The following MGAT4C variants were observed in gnomAD, a reference collection of about 807,000 sequenced individuals.
The protein encoded by MGAT4C is MGAT4 family member C, also known as alpha-1,3-mannosyl-glycoprotein 4-beta-N-acetylglucosaminyltransferase C.
In MGAT4C, 19 loss-of-function variants were observed where a neutral mutation model predicts 40.1. The ratio of observed to expected loss-of-function variants is 0.47; its 90% confidence interval spans 0.33 to 0.70. The LOEUF is 0.70. Ranked by LOEUF, MGAT4C falls within the 30% of genes least tolerant of loss-of-function variation. The pLI is 0.02. For synonymous variants in MGAT4C, 181 were observed against 187.1 expected, an observed-to-expected ratio of 0.97 and a Z score of 0.27; for missense variants, 491 against 563.2, an observed-to-expected ratio of 0.87 and a Z score of 1.30.
intron 2 of MGAT4C, among the ~76,000 whole-genome samples, chr12:86,629,688 A>C (rs192511717): frequency 2.0e-5 from 3 of 152,164 alleles, no homozygotes. Flanking sequence ...AGAAATAAAG[A>C]TGTTCTTTGA....
chr12:86,274,344 T>C (rs1309683975), intron 4 of MGAT4C, among the ~76,000 whole-genome samples: 4 of 152,134 alleles, frequency 2.6e-5, no homozygotes, highest in Non-Finnish European at 5.9e-5. Flanking sequence ...TCAAAGACAC[T>C]CTAGTCTTTA....
At chr12:86,620,823 T>G (rs1962613010) in intron 2 of MGAT4C, among the ~76,000 whole-genome samples, 1 of 152,132 alleles carries the variant, frequency 6.6e-6, no homozygotes, top group Non-Finnish European at 1.5e-5. Context: ...TCTCATGAGA[T>G]CTGATTGTTT....
At chr12:86,128,689 C>T (rs1436237434) in intron 1 of MGAT4C, among the ~76,000 whole-genome samples, 1 of 152,036 alleles carries the variant, frequency 6.6e-6, no homozygotes, top group Admixed American at 6.6e-5. Flanking sequence ...CTACAGAAGA[C>T]CAAAATAACA....
chr12:86,424,502 C>T (rs1956889075), intron 3 of MGAT4C, among the ~76,000 whole-genome samples: 1 of 152,048 alleles, frequency 6.6e-6, no homozygotes, highest in African/African-American at 2.4e-5. Flanking sequence ...GGTACCATTC[C>T]ACCAATTCAC....
intron 2 of MGAT4C, among the ~76,000 whole-genome samples, chr12:85,991,228 C>G (rs116007438): frequency 3.7e-4 from 57 of 152,274 alleles, no homozygotes; most frequent in African/African-American, 1.3e-3. Context: ...GACAGGGTAG[C>G]TCCTCTCTGC....
intron 2 of MGAT4C, among the ~76,000 whole-genome samples, chr12:86,587,410 G>C (rs1002246937): frequency 6.6e-6 from 1 of 152,018 alleles, no homozygotes; most frequent in African/African-American, 2.4e-5. Flanking sequence ...TTGTTCTTTT[G>C]GCTTAGGATT....
intron 1 of MGAT4C, among the ~76,000 whole-genome samples, chr12:86,750,344 G>T (rs1951215527): frequency 6.6e-6 from 1 of 151,804 alleles, no homozygotes; most frequent in African/African-American, 2.4e-5. Flanking sequence ...GTACTGTATG[G>T]TGTCTTAAAA....
At chr12:86,117,142 G>T (rs1878569440) in intron 1 of MGAT4C, among the ~76,000 whole-genome samples, 1 of 152,084 alleles carries the variant, frequency 6.6e-6, no homozygotes, top group African/African-American at 2.4e-5. Flanking sequence ...TCTACTCAAA[G>T]GTGTACCTCA....
At chr12:86,443,740 C>T (rs1300568733) in intron 2 of MGAT4C, among the ~76,000 whole-genome samples, 1 of 152,080 alleles carries the variant, frequency 6.6e-6, no homozygotes, top group African/African-American at 2.4e-5. Context: ...ACTACAGGCG[C>T]CTGCCACCAT....
chr12:86,417,367 C>T (rs891233224), intron 3 of MGAT4C, among the ~76,000 whole-genome samples: 41 of 152,010 alleles, frequency 2.7e-4, no homozygotes, highest in African/African-American at 9.9e-4. Context: ...TAAAGTATAC[C>T]TTGTTAAAAT....
At chr12:86,444,397 A>G (rs1035319530) in intron 2 of MGAT4C, among the ~76,000 whole-genome samples, 3 of 152,080 alleles carry the variant, frequency 2.0e-5, no homozygotes, top group African/African-American at 7.2e-5. Context: ...TTCCCTGCAG[A>G]TAATCTTCTC....
chr12:86,538,817 C>A (rs530461802), intron 2 of MGAT4C, among the ~76,000 whole-genome samples: 5 of 152,038 alleles, frequency 3.3e-5, no homozygotes, highest in African/African-American at 9.6e-5. Flanking sequence ...CCGTGTTAGC[C>A]AGGATGGTCT....
chr12:86,593,228 T>C (rs1050124381), intron 2 of MGAT4C, among the ~76,000 whole-genome samples: 7 of 151,272 alleles, frequency 4.6e-5, no homozygotes, highest in African/African-American at 1.7e-4. Flanking sequence ...TTCAGAGCAA[T>C]GTCCCTTCTT....
rs568722124 is a variant in MGAT4C, at chr12:86,365,682, G to GT, written c.-119-31556dup. On this transcript the variant is annotated intron_variant, in intron 3 of 7. Coordinates refer to the MGAT4C transcript ENST00000548651. ...TGACTTCCCGCAACATTTCCCCACT[G>GT]TTTTTTTTTTTTTTTTCTCTGAAGA... Among the ~76,000 whole-genome samples, 879 of 135,724 alleles carry GT rather than the reference G, an allele frequency of 6.5e-3. 4 individuals carry two copies. The highest frequency in any genetic ancestry group is 8.6e-3 in the African/African-American group (318 of 37,162). The allele number at this position is 135,724 out of a possible 152,430, so 89.0% of individuals were successfully genotyped here. A position where few individuals can be genotyped will look rare whatever the true frequency, so the allele number is the denominator to read the frequency against.
intron 2 of MGAT4C, among the ~76,000 whole-genome samples, chr12:86,476,035 A>G (rs1212007970): frequency 7.9e-5 from 12 of 152,180 alleles, no homozygotes; most frequent in African/African-American, 2.6e-4. Context: ...CTTCCATAGT[A>G]ATGTCTCATT....
At chr12:86,224,202 T>C (rs984059572) in intron 1 of MGAT4C, among the ~76,000 whole-genome samples, 1 of 151,666 alleles carries the variant, frequency 6.6e-6, no homozygotes, top group Non-Finnish European at 1.5e-5. Flanking sequence ...AGTCGAAAAC[T>C]GAAAAAAAGA....
chr12:86,432,615 G>A (rs2136270534), intron 3 of MGAT4C, among the ~76,000 whole-genome samples: 1 of 152,124 alleles, frequency 6.6e-6, no homozygotes, highest in South Asian at 2.1e-4. Context: ...TTGTAGATTT[G>A]TAGGCAAAAG....
intron 2 of MGAT4C, among the ~76,000 whole-genome samples, chr12:86,017,437 C>CATTT (rs1430150748): frequency 1.3e-5 from 2 of 152,120 alleles, no homozygotes; most frequent in African/African-American, 4.8e-5. Context: ...AGGAACCATA[C>CATTT]ATTTCTCTTT....
intron 1 of MGAT4C, among the ~76,000 whole-genome samples, chr12:86,215,268 T>TA (rs139841798): frequency 6.6e-6 from 1 of 152,074 alleles, no homozygotes; most frequent in Non-Finnish European, 1.5e-5. Flanking sequence ...TTCTAGGGTT[T>TA]AAAAAAAATT....
Sources: gnomAD v4.1 joint callset for allele counts (sites outside exome capture counted in the v4.1 genomes callset) on GRCh38, gnomAD v4.1.1 for gene constraint, MANE v1.5 for transcripts, NCBI Gene and HGNC (gene_info 2026-07-23, HGNC 2026-07-21) for gene names.